The following SEC63 variants were observed in gnomAD, a reference collection of about 807,000 sequenced individuals.
SEC63 encodes SEC63 protein translocation regulator.
Under a neutral mutation model 116.2 loss-of-function variants are expected in SEC63, and 56 were observed. That is an observed-to-expected ratio of 0.48 (90% CI 0.39 to 0.60). The LOEUF is 0.60. Ranked by LOEUF, SEC63 falls within the 20% of genes least tolerant of loss-of-function variation. SEC63 has a pLI of 0.00. For missense variants in SEC63, 668 were observed against 900.0 expected (o/e 0.74, Z 3.30); for synonymous variants, 273 against 294.6 (o/e 0.93, Z 0.75).
rs372586515 is a variant in SEC63, at chr6:107,874,377, A to G, written c.2035-1465T>C. Among the ~76,000 whole-genome samples, 351 of 152,162 alleles carry G rather than the reference A, an allele frequency of 2.3e-3. 2 individuals carry two copies. The highest frequency in any genetic ancestry group is 0.012 in the East Asian group (60 of 5,162). ...TGGGAGGCCAAGGCGGGCGGATCAC[A>G]AGGTCAGGAGATTGAGACCATCATG... On this transcript the variant is annotated intron_variant, in intron 19 of 20. Transcript: ENST00000369002.
Position 107,919,821 on chromosome 6 carries a change from C to CAA in SEC63, c.452+1974_452+1975dup, listed in dbSNP as rs558973753. On this transcript the variant is annotated intron_variant, in intron 4 of 20. Transcript: ENST00000369002. Reference sequence around the variant, plus strand: ...TGGGCGACAGAGCAAGACTCCATCTCAAAAAAAAAAAAGAAAAAGAAAACA... The same window carrying CAA: ...TGGGCGACAGAGCAAGACTCCATCTCAAAAAAAAAAAAAAGAAAAAGAAAACA... Among the ~76,000 whole-genome samples, 129 of 129,428 alleles carry CAA rather than the reference C, an allele frequency of 1.0e-3. 2 individuals are homozygous for CAA. The highest frequency in any genetic ancestry group is 3.5e-3 in the African/African-American group (123 of 34,914). The allele number at this position is 129,428 out of a possible 152,430, so 84.9% of individuals were successfully genotyped here.
At chr6:107,909,534 A>C (rs1048256299) in intron 7 of SEC63, among the ~76,000 whole-genome samples, 3 of 152,182 alleles carry the variant, frequency 2.0e-5, no homozygotes, top group Non-Finnish European at 4.4e-5. Flanking sequence ...TTTCTTTAGC[A>C]AATATTTATA....
At chr6:107,921,081 TAAAAAG>T (rs1483118331) in intron 4 of SEC63, among the ~76,000 whole-genome samples, 1 of 151,760 alleles carries the variant, frequency 6.6e-6, no homozygotes, top group Non-Finnish European at 1.5e-5. Flanking sequence ...GACGAAATTC[TAAAAAG>T]AAAAAGACAC....
chr6:107,929,057 T>A (rs1180285806), intron 2 of SEC63, among the ~76,000 whole-genome samples: 2 of 152,250 alleles, frequency 1.3e-5, no homozygotes, highest in Admixed American at 1.3e-4. Context: ...CAATAAACTT[T>A]AATTATCACC....
At chr6:107,877,067 G>GTGTATATATATATATACACATATATA (rs1297045170) in intron 18 of SEC63, 2 of 52,402 alleles carry the variant, frequency 3.8e-5, no homozygotes, top group African/African-American at 9.9e-4. Context: ...ATATATATGT[G>GTGTATATATATATATACACATATATA]TGTGTATATA....
chr6:107,925,218 G>A (rs543682098), intron 2 of SEC63, among the ~76,000 whole-genome samples: 1 of 152,008 alleles, frequency 6.6e-6, no homozygotes, highest in South Asian at 2.1e-4. Context: ...TAACTTACTG[G>A]ACGCATTAAA....
intron 1 of SEC63, among the ~76,000 whole-genome samples, chr6:107,940,132 T>C (rs560161511): frequency 1.3e-5 from 2 of 152,010 alleles, no homozygotes; most frequent in African/African-American, 4.8e-5. Flanking sequence ...ACACATACTC[T>C]GGCAATGGAG....
Position 107,914,297 on chromosome 6 carries a change from A to G in SEC63, c.453-870T>C, listed in dbSNP as rs532799411. 7.9e-5 allele frequency among the ~76,000 whole-genome samples: 12 copies of G among 152,276 alleles called. No individual in the cohort carries two copies. In the South Asian group the frequency reaches 2.3e-3, roughly 29 times the overall value. ...TGACCAATAACATAATAAGGAAGAC[A>G]TTCTTGGAGACCAACTGGTAAAAGA... On this transcript the variant is annotated intron_variant, in intron 4 of 20. Coordinates refer to ENST00000369002, the MANE Select transcript of SEC63 (RefSeq NM_007214.5).
Position 107,906,689 on chromosome 6 carries a change from T to C in SEC63, c.822A>G (p.Ile274Met). ...ATSRPTDNIL[I>M]PQLIREIGSI... is the part of the protein sequence containing the mutation. ...TTTGGGAAATTAGCCTAACCTGTGG[T>C]ATTAGAATATTATCCGTTGGTCTGC... The change falls in exon 9 of 21, where the codon ATA becomes ATG. Residue 274 changes from isoleucine to methionine, a missense_variant. Ile to Met is a conservative substitution (Grantham distance 10, BLOSUM62 1). Around this residue, in one of 5 missense-constraint regions of SEC63, gnomAD observed 430 missense variants for 557.5 expected, o/e 0.77. Coordinates refer to ENST00000369002, the MANE Select transcript of SEC63 (RefSeq NM_007214.5). 6.2e-7 allele frequency: 1 copy of C among 1,613,270 alleles called. No homozygotes were observed. Among genetic ancestry groups the C allele is most frequent in the Non-Finnish European group, 8.5e-7 (1 of 1,179,226 alleles).
At chr6:107,900,199 T>C (rs1786968137) in intron 13 of SEC63, among the ~76,000 whole-genome samples, 1 of 152,010 alleles carries the variant, frequency 6.6e-6, no homozygotes, top group Non-Finnish European at 1.5e-5. Flanking sequence ...AGGGTCTCAC[T>C]ATGTTGCCCA....
intron 16 of SEC63, among the ~76,000 whole-genome samples, chr6:107,887,497 A>G (rs1407363810): frequency 3.4e-5 from 5 of 148,638 alleles, no homozygotes; most frequent in African/African-American, 1.3e-4. Context: ...CTATTGCAAG[A>G]ACAAAAAACC....
At chr6:107,943,690 T>C (rs1292930054) in intron 1 of SEC63, among the ~76,000 whole-genome samples, 2 of 152,190 alleles carry the variant, frequency 1.3e-5, no homozygotes, top group East Asian at 3.8e-4. Flanking sequence ...GTAATGTGAC[T>C]ATCTAGAGGA....
rs552904217 is a variant in SEC63 at position 107,871,575 on chromosome 6, C to T, written c.*129G>A. ...CCACTGCCTAGTTATATTATGCACC[C>T]ATTTCAAGAGTAAAAAAACTACACC... On this transcript the variant is annotated 3_prime_UTR_variant, in exon 21 of 21. Transcript: ENST00000369002. The T allele has an allele frequency of 4.3e-4, 358 of 823,808 alleles. 2 individuals carry two copies. The highest frequency in any genetic ancestry group is 2.5e-3 in the Middle Eastern group (7 of 2,848). 51.0% of individuals were successfully genotyped at this position (823,808 alleles called of 1,614,324 possible). A position where few individuals can be genotyped will look rare whatever the true frequency, so the allele number is the denominator to read the frequency against.
At chr6:107,950,690 A>C (rs1281596545) in intron 1 of SEC63, among the ~76,000 whole-genome samples, 1 of 152,218 alleles carries the variant, frequency 6.6e-6, no homozygotes, top group African/African-American at 2.4e-5. Flanking sequence ...CTTGCCTAAA[A>C]TTACAGTAGG....
At chr6:107,872,503 TAA>T (rs35422686) in intron 20 of SEC63, among the ~76,000 whole-genome samples, 1 of 147,378 alleles carries the variant, frequency 6.8e-6, no homozygotes. Context: ...ATCTGTGGTT[TAA>T]AAAAAAAAAG....
In SEC63 at chr6:107,869,784, T is replaced by G. The variant is rs921594503; in HGVS notation, c.*1920A>C. The G allele has an allele frequency of 1.3e-5, 2 of 151,534 alleles. No individual in the cohort carries two copies. Among genetic ancestry groups the G allele is most frequent in the African/African-American group, 4.8e-5 (2 of 41,444 alleles). 9.4% of individuals were successfully genotyped at this position (151,534 alleles called of 1,614,324 possible). A position where few individuals can be genotyped will look rare whatever the true frequency, so the allele number is the denominator to read the frequency against. ...TCTGGTGATGGTAGTTTTTTTTTTT[T>G]TTTTTTTTTTAAGCACTGTGGTGTT... On this transcript the variant is annotated 3_prime_UTR_variant, in exon 21 of 21. Transcript: ENST00000369002.
At chr6:107,878,990 C>A (rs1177360141) in intron 18 of SEC63, among the ~76,000 whole-genome samples, 2 of 152,068 alleles carry the variant, frequency 1.3e-5, no homozygotes, top group Non-Finnish European at 2.9e-5. Context: ...AATTGTTTTT[C>A]TTTTGTGAGA....
intron 1 of SEC63, among the ~76,000 whole-genome samples, chr6:107,951,546 AG>A (rs1770579573): frequency 6.6e-6 from 1 of 152,206 alleles, no homozygotes; most frequent in Non-Finnish European, 1.5e-5. Context: ...ACCATTACTA[AG>A]GAAGCTCTCC....
At chr6:107,891,751 C>T (rs754386762) in intron 16 of SEC63, among the ~76,000 whole-genome samples, 3 of 152,166 alleles carry the variant, frequency 2.0e-5, no homozygotes, top group Admixed American at 6.5e-5. Flanking sequence ...TCTGAGTGGA[C>T]GTCCTTTTTG....
Sources: gnomAD v4.1 joint callset for allele counts (sites outside exome capture counted in the v4.1 genomes callset) on GRCh38, gnomAD v4.1.1 for gene constraint, gnomAD v4.1.1 regional missense constraint, MANE v1.5 for transcripts, NCBI Gene and HGNC (gene_info 2026-07-23, HGNC 2026-07-21) for gene names.